PRTG: variants seen among roughly 807,000 people sequenced by gnomAD.
PRTG encodes protogenin, also known as immunoglobulin superfamily, DCC subclass, member 5.
In PRTG, 67 loss-of-function variants were observed where a neutral mutation model predicts 122.5. The observed-to-expected ratio is 0.55, with a 90% CI of 0.45 to 0.67. PRTG has a LOEUF of 0.67. Ranked by LOEUF, PRTG falls within the 30% of genes least tolerant of loss-of-function variation. The probability of loss-of-function intolerance (pLI) is 0.00; values close to 1 mark genes in which losing one functional copy is unlikely to be tolerated. For synonymous variants in PRTG, 554 were observed against 501.1 expected (o/e 1.11, Z -1.41); for missense variants, 1,435 against 1,415.4 (o/e 1.01, Z -0.22).
chr15:55,620,297 A>G, intron 19 of PRTG, 31 bp from the exon 20 acceptor site: 1 of 1,606,920 alleles, frequency 6.2e-7, no homozygotes, highest in East Asian at 2.2e-5. Flanking sequence ...TGGCAATGAG[A>G]TACCAGACTG....
intron 15 of PRTG, among the ~76,000 whole-genome samples, chr15:55,629,614 G>A (rs2059216254): frequency 1.3e-5 from 2 of 151,820 alleles, no homozygotes; most frequent in South Asian, 2.1e-4. Flanking sequence ...GAACTCCTGG[G>A]CTCCCCAGTA....
At chr15:55,679,642 C>T (rs1486520429) in intron 6 of PRTG, 197 bp from the exon 7 acceptor site, 2 of 508,800 alleles carry the variant, frequency 3.9e-6, no homozygotes, top group African/African-American at 1.9e-5. Context: ...CCATGATTTC[C>T]CTATTCAGAG....
intron 11 of PRTG, among the ~76,000 whole-genome samples, chr15:55,641,415 TTTAC>T (rs1413347814): frequency 3.3e-5 from 5 of 152,196 alleles, no homozygotes; most frequent in Admixed American, 1.3e-4. Flanking sequence ...ACAATTTTAC[TTTAC>T]TTAATCTAAT....
chr15:55,688,835 A>T (rs2059584843), intron 2 of PRTG, among the ~76,000 whole-genome samples: 1 of 152,216 alleles, frequency 6.6e-6, no homozygotes, highest in Non-Finnish European at 1.5e-5. Context: ...TCCATCTCAA[A>T]AAAAGAAACA....
intron 2 of PRTG, among the ~76,000 whole-genome samples, chr15:55,725,349 A>G (rs2030986534): frequency 1.3e-5 from 2 of 152,186 alleles, no homozygotes; most frequent in South Asian, 2.1e-4. Flanking sequence ...ACTAAACACA[A>G]AAGAAGTTAG....
rs369995877 is a variant in PRTG, at chr15:55,639,806, A to G, written c.2160T>C (p.Pro720=). The change falls in exon 13 of 20, where the codon CCT becomes CCC. Residue 720 remains proline (P), a synonymous_variant. Coordinates refer to ENST00000389286, the MANE Select transcript of PRTG (RefSeq NM_173814.6). The part of the protein sequence containing the change: ...GCVSVRDRMV[P]PPPPPHHLYA... ...AGAGATGGTGGGGTGGTGGTGGAGG[A>G]GGGACCATGCGATCACGAACAGCTA... is the stretch of plus-strand genomic sequence containing the variant. The G allele has an allele frequency of 3.2e-5, 51 of 1,613,952 alleles. No homozygotes were observed. The African/African-American group carries it at 5.6e-4, about 18-fold the overall frequency.
chr15:55,690,987 C>T (rs1222146245), intron 2 of PRTG, among the ~76,000 whole-genome samples: 1 of 152,066 alleles, frequency 6.6e-6, no homozygotes, highest in Non-Finnish European at 1.5e-5. Context: ...AATTTGAGTT[C>T]CCCAAACTTT....
chr15:55,680,419 A>G, intron 5 of PRTG, 72 bp downstream of exon 5: 1 of 1,441,216 alleles, frequency 6.9e-7, no homozygotes, highest in Non-Finnish European at 9.2e-7. Flanking sequence ...TAAAATAAAC[A>G]TTTTATAAAT....
rs2059129422 is a variant in PRTG at position 55,613,508 on chromosome 15, A to T, written c.*6504T>A. 2 of 152,152 alleles carry T rather than the reference A, an allele frequency of 1.3e-5. No homozygotes were observed. The highest frequency in any genetic ancestry group is 4.1e-4 in the South Asian group (2 of 4,834). The allele number at this position is 152,152 out of a possible 1,614,324, so 9.4% of individuals were successfully genotyped here. A position where few individuals can be genotyped will look rare whatever the true frequency, so the allele number is the denominator to read the frequency against. On this transcript the variant is annotated 3_prime_UTR_variant, in exon 20 of 20. Coordinates refer to ENST00000389286, the MANE Select transcript of PRTG (RefSeq NM_173814.6). ...AACTCTAAGTACAAACAGCCTTCAG[A>T]CACAATTTTAGCTGAGATAAATGGA...
intron 2 of PRTG, chr15:55,738,599 T>C (rs559101153): frequency 2.5e-5 from 17 of 687,216 alleles, no homozygotes; most frequent in Admixed American, 8.4e-5. Context: ...CAAGTTTACA[T>C]TGGACAAAAA....
chr15:55,658,634 T>C (rs1414846137), intron 11 of PRTG, among the ~76,000 whole-genome samples: 1 of 152,178 alleles, frequency 6.6e-6, no homozygotes, highest in Admixed American at 6.5e-5. Context: ...TATTTTCTTA[T>C]GATAGGTCTC....
intron 2 of PRTG, among the ~76,000 whole-genome samples, chr15:55,717,948 C>A (rs1471469303): frequency 6.6e-6 from 1 of 152,184 alleles, no homozygotes; most frequent in African/African-American, 2.4e-5. Flanking sequence ...GATCGGGGGA[C>A]CTCCCTTTGG....
At chr15:55,647,604 T>A (rs566630186) in intron 11 of PRTG, among the ~76,000 whole-genome samples, 36 of 152,330 alleles carry the variant, frequency 2.4e-4, no homozygotes, top group African/African-American at 8.4e-4. Context: ...TTAAATGAAA[T>A]CATGCCTATG....
intron 11 of PRTG, chr15:55,655,291 G>T (rs2059373594): frequency 6.6e-6 from 1 of 152,130 alleles, no homozygotes; most frequent in Admixed American, 6.5e-5. Context: ...GTTATTAAAA[G>T]ACACTGAAGA....
chr15:55,643,005 G>A (rs1030241759), intron 11 of PRTG, among the ~76,000 whole-genome samples: 1 of 151,964 alleles, frequency 6.6e-6, no homozygotes, highest in African/African-American at 2.4e-5. Flanking sequence ...CCCAGGAGGT[G>A]GAGACTGTGG....
intron 15 of PRTG, among the ~76,000 whole-genome samples, chr15:55,632,089 T>C (rs2059230774): frequency 6.6e-6 from 1 of 152,172 alleles, no homozygotes; most frequent in South Asian, 2.1e-4. Context: ...ACCTATACAT[T>C]GATAACTAGA....
chr15:55,701,870 TCTA>T (rs2141841676), intron 2 of PRTG, among the ~76,000 whole-genome samples: 1 of 152,304 alleles, frequency 6.6e-6, no homozygotes, highest in East Asian at 1.9e-4. Flanking sequence ...AATATATAAT[TCTA>T]CTATTTATAT....
chr15:55,720,963 C>A (rs1177748035), intron 2 of PRTG, among the ~76,000 whole-genome samples: 1 of 152,070 alleles, frequency 6.6e-6, no homozygotes, highest in African/African-American at 2.4e-5. Context: ...GATGGTCCAC[C>A]TAGACATCCC....
intron 1 of PRTG, among the ~76,000 whole-genome samples, chr15:55,741,482 C>T (rs1334149747): frequency 6.6e-6 from 1 of 152,214 alleles, no homozygotes; most frequent in Non-Finnish European, 1.5e-5. Context: ...TTTATCAGAG[C>T]AGAGGAAAGG....
Sources: gnomAD v4.1 joint callset for allele counts (sites outside exome capture counted in the v4.1 genomes callset) on GRCh38, gnomAD v4.1.1 for gene constraint, MANE v1.5 for transcripts, NCBI Gene and HGNC (gene_info 2026-07-23, HGNC 2026-07-21) for gene names.